LIMK2: variants seen among roughly 807,000 people sequenced by gnomAD.
The protein encoded by LIMK2 is LIM domain kinase 2.
A neutral mutation model predicts 75.7 loss-of-function variants in LIMK2; 35 were observed. That is an observed-to-expected ratio of 0.46 (90% CI 0.35 to 0.61). The LOEUF (loss-of-function observed/expected upper bound fraction) is 0.61, where lower values mean the gene tolerates loss of function less well. Among genes scored for constraint, LIMK2 ranks in the 20% least tolerant of loss-of-function variants. The probability of loss-of-function intolerance (pLI) is 0.00; values close to 1 mark genes in which losing one functional copy is unlikely to be tolerated. For missense variants in LIMK2, 623 were observed against 831.0 expected, an observed-to-expected ratio of 0.75 and a Z score of 3.08; for synonymous variants, 301 against 319.2, an observed-to-expected ratio of 0.94 and a Z score of 0.61.
intron 15 of LIMK2, chr22:31,277,072 G>A: frequency 6.2e-7 from 1 of 1,613,952 alleles, no homozygotes; most frequent in Non-Finnish European, 8.5e-7. Flanking sequence ...ACCCACAGAG[G>A]CCTTCATCTC....
At chr22:31,256,810 ATGTGGCCAC>A (rs2048787235) in intron 2 of LIMK2, among the ~76,000 whole-genome samples, 1 of 152,170 alleles carries the variant, frequency 6.6e-6, no homozygotes, top group African/African-American at 2.4e-5. Flanking sequence ...GGAAGCAAGA[ATGTGGCCAC>A]TGTGGAAGGT....
At chr22:31,268,940 G>T (rs1018517769) in intron 11 of LIMK2, among the ~76,000 whole-genome samples, 2 of 152,180 alleles carry the variant, frequency 1.3e-5, no homozygotes, top group African/African-American at 4.8e-5. Context: ...GAACAGTTTG[G>T]GGGTACATCA....
At chr22:31,255,357 T>C (rs937810177) in intron 2 of LIMK2, among the ~76,000 whole-genome samples, 2 of 152,206 alleles carry the variant, frequency 1.3e-5, no homozygotes, top group Admixed American at 6.5e-5. Context: ...CTGTGCAGTT[T>C]TGAGACACTT....
chr22:31,259,348 C>A, intron 4 of LIMK2, 118 bp downstream of exon 4: 1 of 657,394 alleles, frequency 1.5e-6, no homozygotes, highest in Non-Finnish European at 2.8e-6. Flanking sequence ...TGGATTCTTA[C>A]CACAGCAGTG....
Position 31,262,868 on chromosome 22 carries a change from G to T in LIMK2, c.854+77G>T. 1 of 1,311,654 alleles carries T rather than the reference G, an allele frequency of 7.6e-7. No individual in the cohort carries two copies. Among genetic ancestry groups the T allele is most frequent in the South Asian group, 1.5e-5 (1 of 64,874 alleles). The allele number at this position is 1,311,654 out of a possible 1,614,324, so 81.3% of individuals were successfully genotyped here. A position where few individuals can be genotyped will look rare whatever the true frequency, so the allele number is the denominator to read the frequency against. On this transcript the variant is annotated intron_variant, in intron 7 of 15. Coordinates refer to ENST00000331728, the MANE Select transcript of LIMK2 (RefSeq NM_005569.4). This position sits in a 1 kb window ranked among gnomAD's most constrained non-coding sequence, Gnocchi z 5.0. ...AAGCTGAGCTGGCTTTCAGAAGCCTGCAGAGTTAGGAAAGGAACCAGCTGG... is the reference window on the plus strand; with the variant it reads ...AAGCTGAGCTGGCTTTCAGAAGCCTTCAGAGTTAGGAAAGGAACCAGCTGG...
intron 2 of LIMK2, among the ~76,000 whole-genome samples, chr22:31,255,702 G>A (rs899640120): frequency 3.3e-5 from 5 of 152,160 alleles, no homozygotes. Flanking sequence ...AGGTGAAGTA[G>A]GGTGCCCTGT....
intron 2 of LIMK2, among the ~76,000 whole-genome samples, chr22:31,254,656 C>T (rs1472803187): frequency 6.6e-6 from 1 of 152,138 alleles, no homozygotes; most frequent in Non-Finnish European, 1.5e-5. Context: ...TTCTTCAGAA[C>T]CACATTTAAT....
At chr22:31,226,350 C>T (rs1318855222) in intron 2 of LIMK2, among the ~76,000 whole-genome samples, 1 of 151,610 alleles carries the variant, frequency 6.6e-6, no homozygotes, top group East Asian at 1.9e-4. Context: ...TGACAGGCAC[C>T]TGCCACCATG....
chr22:31,219,942 A>G (rs949916555), intron 1 of LIMK2, among the ~76,000 whole-genome samples: 1 of 152,214 alleles, frequency 6.6e-6, no homozygotes, highest in Non-Finnish European at 1.5e-5. Flanking sequence ...AACACTATAG[A>G]GGGAGAGAAT....
At chr22:31,241,491 C>T (rs1392392070) in intron 2 of LIMK2, among the ~76,000 whole-genome samples, 1 of 152,160 alleles carries the variant, frequency 6.6e-6, no homozygotes, top group Non-Finnish European at 1.5e-5. Flanking sequence ...CAGCCTCCTA[C>T]ATCTCCTGCA....
chr22:31,256,739 A>G (rs2048786420), intron 2 of LIMK2, among the ~76,000 whole-genome samples: 1 of 152,218 alleles, frequency 6.6e-6, no homozygotes. Flanking sequence ...ATCTTGCCCA[A>G]GATGATGTAA....
At chr22:31,234,383 C>T (rs896797116) in intron 2 of LIMK2, among the ~76,000 whole-genome samples, 1 of 151,062 alleles carries the variant, frequency 6.6e-6, no homozygotes, top group Non-Finnish European at 1.5e-5. Context: ...GTCTCTCCTA[C>T]CTTGTATACT....
At position 31,278,549 on chromosome 22, in the gene LIMK2, T is replaced by C. The variant is rs1482471534; in HGVS notation, c.*108T>C. On this transcript the variant is annotated 3_prime_UTR_variant, in exon 16 of 16. Transcript: ENST00000331728. ...CCGGGCTTCCTGTGGATTGGCGGAA[T>C]GTTTAGAAGCAGAACAAGCCATTCC... 5 of 1,280,264 alleles carry C rather than the reference T, an allele frequency of 3.9e-6. No individual in the cohort carries two copies. The highest frequency in any genetic ancestry group is 3.0e-5 in the African/African-American group (2 of 67,122). The allele number at this position is 1,280,264 out of a possible 1,614,324, so 79.3% of individuals were successfully genotyped here.
At chr22:31,236,371 G>T (rs906928102) in intron 2 of LIMK2, among the ~76,000 whole-genome samples, 1 of 151,446 alleles carries the variant, frequency 6.6e-6, no homozygotes, top group Admixed American at 6.6e-5. Flanking sequence ...ACTTTGGGAG[G>T]CCTAGGCGGG....
intron 2 of LIMK2, among the ~76,000 whole-genome samples, chr22:31,228,031 T>C (rs1333441644): frequency 6.6e-6 from 1 of 151,676 alleles, no homozygotes; most frequent in African/African-American, 2.4e-5. Flanking sequence ...CGTGTGTGTG[T>C]GTGTGTGTGT....
At chr22:31,237,495 T>C (rs920161998) in intron 2 of LIMK2, among the ~76,000 whole-genome samples, 2 of 146,944 alleles carry the variant, frequency 1.4e-5, no homozygotes, top group African/African-American at 5.1e-5. Context: ...ACCTGGGAGA[T>C]GGAGGTTGCA....
intron 1 of LIMK2, among the ~76,000 whole-genome samples, chr22:31,224,068 G>C (rs534841495): frequency 6.6e-6 from 1 of 152,302 alleles, no homozygotes; most frequent in African/African-American, 2.4e-5. Flanking sequence ...TAGTTACCCA[G>C]AGAGAACAAA....
intron 4 of LIMK2, among the ~76,000 whole-genome samples, chr22:31,259,487 G>A (rs73392299): frequency 0.018 from 2,741 of 152,178 alleles, 88 homozygotes; most frequent in African/African-American, 0.06. Flanking sequence ...CTTCAAGGAC[G>A]ATCCCAGAAC....
chr22:31,250,611 G>A (rs935523530), intron 2 of LIMK2, among the ~76,000 whole-genome samples: 5 of 152,128 alleles, frequency 3.3e-5, no homozygotes, highest in Admixed American at 1.3e-4. Flanking sequence ...CATTCCTGAA[G>A]TCACTTCTGA....
Sources: gnomAD v4.1 joint callset for allele counts (sites outside exome capture counted in the v4.1 genomes callset) on GRCh38, gnomAD v4.1.1 for gene constraint, Gnocchi (gnomAD v3.1) non-coding constraint, MANE v1.5 for transcripts, NCBI Gene and HGNC (gene_info 2026-07-23, HGNC 2026-07-21) for gene names.